The following DHX36 variants were observed in gnomAD, a reference collection of about 807,000 sequenced individuals.
DHX36 encodes ATP-dependent DNA/RNA helicase DHX36.
A neutral mutation model predicts 139.0 loss-of-function variants in DHX36; 50 were observed. The observed-to-expected ratio is 0.36, with a 90% confidence interval of 0.29 to 0.46. The LOEUF (loss-of-function observed/expected upper bound fraction) is 0.46. Ranked by LOEUF, DHX36 falls within the 20% of genes least tolerant of loss-of-function variation. DHX36 has a pLI of 1.00. For missense variants in DHX36, 1,024 were observed against 1,211.3 expected (o/e 0.85, Z 2.29); for synonymous variants, 425 against 401.9 (o/e 1.06, Z -0.69).
chr3:154,322,604 G>C (rs1466590578), intron 1 of DHX36, among the ~76,000 whole-genome samples: 2 of 152,210 alleles, frequency 1.3e-5, no homozygotes, highest in South Asian at 2.1e-4. Context: ...ACCACTAAAA[G>C]GAGGATGGGA....
intron 4 of DHX36, among the ~76,000 whole-genome samples, chr3:154,310,512 G>A (rs1712690478): frequency 6.6e-6 from 1 of 151,322 alleles, no homozygotes; most frequent in South Asian, 2.1e-4. Flanking sequence ...GCCGGGCATG[G>A]TGGCTCATGC....
At chr3:154,301,902 A>C (rs1712309683) in intron 9 of DHX36, among the ~76,000 whole-genome samples, 1 of 152,022 alleles carries the variant, frequency 6.6e-6, no homozygotes, top group African/African-American at 2.4e-5. Flanking sequence ...TCTAGATGGA[A>C]TGGGGGAGGG....
chr3:154,315,390 C>A, intron 2 of DHX36, 110 bp from the exon 3 acceptor site: 1 of 702,980 alleles, frequency 1.4e-6, no homozygotes. Context: ...CATCCAAATC[C>A]AAAGCTTTTC....
chr3:154,274,051 A>C lies in DHX36; in HGVS notation c.*2120T>G, dbSNP rs576991936. Reference sequence around the variant, plus strand: ...ACCGGGTGCAGTGGCTCATACCTGTAATGTCAGCACTTTGGGAAGCCAAGG... The same window carrying C: ...ACCGGGTGCAGTGGCTCATACCTGTCATGTCAGCACTTTGGGAAGCCAAGG... On this transcript the variant is annotated 3_prime_UTR_variant, in exon 25 of 25. Coordinates refer to ENST00000496811, the MANE Select transcript of DHX36 (RefSeq NM_020865.3). The C allele has an allele frequency of 5.7e-4, 87 of 152,674 alleles. No homozygotes were observed. In the South Asian group the frequency reaches 7.2e-3, roughly 13 times the overall value. 9.5% of individuals were successfully genotyped at this position (152,674 alleles called of 1,614,324 possible). A position where few individuals can be genotyped will look rare whatever the true frequency, so the allele number is the denominator to read the frequency against.
At chr3:154,280,073 C>G (rs1196238995) in intron 22 of DHX36, 1 of 152,324 alleles carries the variant, frequency 6.6e-6, no homozygotes, top group East Asian at 1.9e-4. Context: ...ATTTGTGACT[C>G]TTAGTTTCTC....
chr3:154,308,921 CT>C (rs1254051421), intron 5 of DHX36, among the ~76,000 whole-genome samples: 1 of 152,112 alleles, frequency 6.6e-6, no homozygotes, highest in Non-Finnish European at 1.5e-5. Flanking sequence ...GACACAGAGA[CT>C]TATGCCTGTA....
chr3:154,284,529 A>C, intron 19 of DHX36, 54 bp downstream of exon 19: 2 of 1,406,038 alleles, frequency 1.4e-6, no homozygotes, highest in Non-Finnish European at 2.0e-6. Context: ...TTCTATTATT[A>C]GCATTTCATT....
intron 6 of DHX36, 24 bp downstream of exon 6, chr3:154,306,192 A>T (rs1442926485): frequency 1.9e-6 from 3 of 1,551,626 alleles, no homozygotes; most frequent in Non-Finnish European, 1.8e-6. Context: ...ATCTGCCTGT[A>T]TATAAGAAGT....
chr3:154,293,715 T>A, intron 14 of DHX36, 33 bp downstream of exon 14: 1 of 1,474,682 alleles, frequency 6.8e-7, no homozygotes, highest in Non-Finnish European at 9.5e-7. Flanking sequence ...ACTTATGTAA[T>A]CATCAGTATT....
chr3:154,316,057 A>C lies in DHX36; in HGVS notation c.350T>G (p.Phe117Cys), dbSNP rs369663360. The C allele has an allele frequency of 5.6e-6, 9 of 1,613,138 alleles. No homozygotes were observed. Among genetic ancestry groups the C allele is most frequent in the Non-Finnish European group, 7.6e-6 (9 of 1,179,538 alleles). Reference protein sequence around the residue: ...DKESEAQISWFAPEDHGYGTE... With the variant: ...DKESEAQISWCAPEDHGYGTE... ...GTCGTACCCATGATCCTCAGGAGCA[A>C]ACCAGGATATCTGTGCTTCTGACTC... is the stretch of plus-strand genomic sequence containing the variant. The change falls in exon 2 of 25, where the codon TTT becomes TGT. Residue 117 changes from phenylalanine (F) to cysteine (C), a missense_variant. This residue lies in a region of DHX36 where 293 missense variants were observed against 274.4 expected (regional missense o/e 1.07). Transcript: ENST00000496811.
At chr3:154,282,485 T>C (rs1230313046) in intron 20 of DHX36, among the ~76,000 whole-genome samples, 4 of 152,182 alleles carry the variant, frequency 2.6e-5, no homozygotes, top group Non-Finnish European at 5.9e-5. Flanking sequence ...TATTCCATAT[T>C]ATGAAACAGT....
intron 9 of DHX36, among the ~76,000 whole-genome samples, chr3:154,302,144 T>A (rs1180478930): frequency 6.6e-6 from 1 of 150,562 alleles, no homozygotes; most frequent in East Asian, 1.9e-4. Context: ...AAGAACATAG[T>A]ACCAAAAGAG....
chr3:154,294,196 C>A (rs567170442), intron 13 of DHX36, among the ~76,000 whole-genome samples: 2 of 152,108 alleles, frequency 1.3e-5, no homozygotes, highest in Admixed American at 6.5e-5. Context: ...AATAATCAGG[C>A]AGATGCCCAA....
chr3:154,276,679 A>T, intron 24 of DHX36, 68 bp downstream of exon 24: 1 of 1,479,434 alleles, frequency 6.8e-7, no homozygotes, highest in Non-Finnish European at 9.3e-7. Flanking sequence ...TTTAACAGTT[A>T]GAACAAAACC....
Position 154,273,226 on chromosome 3 carries a change from T to C in DHX36, c.*2945A>G, listed in dbSNP as rs1417953754. 1.3e-5 allele frequency: 2 copies of C among 152,210 alleles called. No homozygotes were observed. The highest frequency in any genetic ancestry group is 2.9e-5 in the Non-Finnish European group (2 of 68,026). The allele number at this position is 152,210 out of a possible 1,614,324, so 9.4% of individuals were successfully genotyped here. On this transcript the variant is annotated 3_prime_UTR_variant, in exon 25 of 25. Coordinates refer to ENST00000496811, the MANE Select transcript of DHX36 (RefSeq NM_020865.3). ...ATTTTCTACTCAGTAATGCCCTATT[T>C]TGTAAACAAAAGAAACAGAATGTAA...
chr3:154,300,651 A>G lies in DHX36; in HGVS notation c.1404T>C (p.Asp468=), dbSNP rs1712232660. 4 of 1,613,696 alleles carry G rather than the reference A, an allele frequency of 2.5e-6. No homozygotes were observed. Among genetic ancestry groups the G allele is most frequent in the South Asian group, 2.2e-5 (2 of 91,076 alleles). The change falls in exon 11 of 25, where the codon GAT becomes GAC. Residue 468 remains aspartate (D), a synonymous_variant. Coordinates refer to ENST00000496811, the MANE Select transcript of DHX36 (RefSeq NM_020865.3). ...CAACAATCAAATTCAGATCAACTTT[A>G]TCATCCTCCATCATTTCTATAACAT... The part of the protein sequence containing the change: ...TVDVIEMMED[D]KVDLNLIVAL...
Position 154,295,246 on chromosome 3 carries a change from TTTGAAATACATTTAACAA to T in DHX36, c.1605+20_1605+37del. On this transcript the variant is annotated intron_variant, in intron 13 of 24. Coordinates refer to ENST00000496811, the MANE Select transcript of DHX36 (RefSeq NM_020865.3). ...AAGCAGTCCTTAAAGCTTGCCTCAG[TTTGAAATACATTTAACAA>T]ATGTATCCATTTAACATACCTGTGT... 1 of 1,343,570 alleles carries T rather than the reference TTTGAAATACATTTAACAA, an allele frequency of 7.4e-7. No individual in the cohort carries two copies. Among genetic ancestry groups the T allele is most frequent in the Middle Eastern group, 1.8e-4 (1 of 5,456 alleles). The allele number at this position is 1,343,570 out of a possible 1,614,324, so 83.2% of individuals were successfully genotyped here.
chr3:154,276,113 T>TA lies in DHX36; in HGVS notation c.*57dup, dbSNP rs1183165303. On this transcript the variant is annotated 3_prime_UTR_variant, in exon 25 of 25. Coordinates refer to ENST00000496811, the MANE Select transcript of DHX36 (RefSeq NM_020865.3). ...CAGGGTTTGGCATCCAGCCAAAATT[T>TA]AAACAATGATGAAGAATGGCTGTCA... 3 of 1,553,034 alleles carry TA rather than the reference T, an allele frequency of 1.9e-6. No individual in the cohort carries two copies. Among genetic ancestry groups the TA allele is most frequent in the Non-Finnish European group, 2.6e-6 (3 of 1,150,020 alleles).
rs1451260200 is a variant in DHX36, at chr3:154,305,204, TTTCTC to T, written c.894-41_894-37del. The T allele has an allele frequency of 2.6e-6, 4 of 1,555,878 alleles. No individual in the cohort carries two copies. In the African/African-American group the frequency reaches 5.5e-5, roughly 21 times the overall value. On this transcript the variant is annotated intron_variant, in intron 6 of 24. Coordinates refer to ENST00000496811, the MANE Select transcript of DHX36 (RefSeq NM_020865.3). ...AAGACATGAATTAATAAGCCTTGGT[TTTCTC>T]TTCTAATAATTAACTACCACAAAGG...
Sources: allele counts gnomAD v4.1 joint callset (sites outside exome capture counted in the v4.1 genomes callset), GRCh38; gene constraint gnomAD v4.1.1; regional missense constraint gnomAD v4.1.1; transcripts MANE v1.5; gene names NCBI Gene and HGNC (gene_info 2026-07-23, HGNC 2026-07-21).